RGL1: variants seen among roughly 807,000 people sequenced by gnomAD.
RGL1 encodes ral guanine nucleotide dissociation stimulator like 1.
Under a neutral mutation model 95.2 loss-of-function variants are expected in RGL1, and 24 were observed. That is an observed-to-expected ratio of 0.25 (90% CI 0.18 to 0.35). The LOEUF is 0.35. RGL1 is among the 10% of genes least tolerant of loss of function. The pLI, the probability that RGL1 is intolerant of heterozygous loss-of-function variation, is 1.00. For missense variants in RGL1, 715 were observed against 936.3 expected, an observed-to-expected ratio of 0.76 and a Z score of 3.08; for synonymous variants, 329 against 344.9, an observed-to-expected ratio of 0.95 and a Z score of 0.51.
At chr1:183,696,862 C>CTTT (rs1396340273) in intron 1 of RGL1, among the ~76,000 whole-genome samples, 3 of 152,094 alleles carry the variant, frequency 2.0e-5, no homozygotes, top group African/African-American at 7.2e-5. Flanking sequence ...AGAATCTGAC[C>CTTT]AATTCTTGCC....
At chr1:183,893,456 C>T (rs1404654550) in intron 9 of RGL1, among the ~76,000 whole-genome samples, 2 of 151,988 alleles carry the variant, frequency 1.3e-5, no homozygotes, top group Non-Finnish European at 2.9e-5. Context: ...TCATGTAAAA[C>T]CAAAGTATGC....
At chr1:183,906,969 A>G (rs959555919) in intron 13 of RGL1, 43 bp from the exon 14 acceptor site, 20 of 1,120,852 alleles carry the variant, frequency 1.8e-5, no homozygotes, top group Middle Eastern at 1.9e-4. Flanking sequence ...GTGTTTTTCA[A>G]TTCTCTAACT....
At chr1:183,694,421 T>C (rs1654139521) in intron 1 of RGL1, among the ~76,000 whole-genome samples, 2 of 152,240 alleles carry the variant, frequency 1.3e-5, no homozygotes, top group South Asian at 4.1e-4. Flanking sequence ...TGATGACCAT[T>C]TTTTCTTTCA....
At chr1:183,818,484 C>G (rs1662233285) in intron 2 of RGL1, among the ~76,000 whole-genome samples, 1 of 152,192 alleles carries the variant, frequency 6.6e-6, no homozygotes, top group South Asian at 2.1e-4. Context: ...CAAATGTTAT[C>G]TTTACTCTTC....
chr1:183,685,186 C>T (rs929245400), intron 1 of RGL1, among the ~76,000 whole-genome samples: 7 of 151,932 alleles, frequency 4.6e-5, no homozygotes, highest in Non-Finnish European at 8.8e-5. Flanking sequence ...AATGCTTAAA[C>T]GTTCTTTAAC....
At chr1:183,921,825 G>A (rs1167900447) in intron 16 of RGL1, among the ~76,000 whole-genome samples, 2 of 152,204 alleles carry the variant, frequency 1.3e-5, no homozygotes, top group Non-Finnish European at 2.9e-5. Flanking sequence ...TATCCCGTGG[G>A]TTGTAACCAG....
chr1:183,754,704 G>A (rs1440550971), intron 2 of RGL1: 1 of 152,264 alleles, frequency 6.6e-6, no homozygotes, highest in Non-Finnish European at 1.5e-5. Flanking sequence ...CCATACAGAT[G>A]TGAGGGATGT....
At chr1:183,702,979 A>G (rs576684563) in intron 1 of RGL1, among the ~76,000 whole-genome samples, 14 of 152,204 alleles carry the variant, frequency 9.2e-5, no homozygotes, top group Non-Finnish European at 1.6e-4. Context: ...GCTATGCAGT[A>G]CCTGGACAGC....
At position 183,724,964 on chromosome 1, in the gene RGL1, A is replaced by AACACAC. The variant is rs34336567; in HGVS notation, c.-32-17149_-32-17144dup. On this transcript the variant is annotated intron_variant, in intron 1 of 18. Coordinates refer to the RGL1 transcript ENST00000304685. This position sits in a 1 kb window ranked among gnomAD's most constrained non-coding sequence, Gnocchi z 4.1. Reference sequence around the variant, plus strand: ...TCTCTCCCCCAGCTCTAGGCACCACAACACACACACACACACACGGAGGGA... The same window carrying AACACAC: ...TCTCTCCCCCAGCTCTAGGCACCACAACACACACACACACACACACACACGGAGGGA... Among the ~76,000 whole-genome samples, 3,400 of 149,758 alleles carry AACACAC rather than the reference A, an allele frequency of 0.023. 50 individuals carry two copies. The highest frequency in any genetic ancestry group is 0.055 in the Middle Eastern group (16 of 292).
chr1:183,753,458 A>T (rs1658146957), intron 2 of RGL1, among the ~76,000 whole-genome samples: 1 of 152,218 alleles, frequency 6.6e-6, no homozygotes, highest in Non-Finnish European at 1.5e-5. Context: ...TTGAAAGAAG[A>T]CATGAGACTC....
chr1:183,787,704 CAG>C (rs1277396267), intron 2 of RGL1, among the ~76,000 whole-genome samples: 5 of 152,128 alleles, frequency 3.3e-5, no homozygotes, highest in African/African-American at 7.2e-5. Context: ...TGAGGCTTAA[CAG>C]GGGGTGTTTG....
intron 1 of RGL1, among the ~76,000 whole-genome samples, chr1:183,636,698 G>A (rs1183240351): frequency 6.6e-6 from 1 of 152,110 alleles, no homozygotes; most frequent in African/African-American, 2.4e-5. Context: ...AATGTGGAAG[G>A]ATTGGTGGAA....
In RGL1 at chr1:183,928,164, A is replaced by T. The variant is rs977049212; in HGVS notation, c.*1872A>T. 3 of 71,516 alleles carry T rather than the reference A, an allele frequency of 4.2e-5. No individual in the cohort carries two copies. Among genetic ancestry groups the T allele is most frequent in the Non-Finnish European group, 1.0e-4 (3 of 29,872 alleles). 4.4% of individuals were successfully genotyped at this position (71,516 alleles called of 1,614,324 possible). A position where few individuals can be genotyped will look rare whatever the true frequency, so the allele number is the denominator to read the frequency against. On this transcript the variant is annotated 3_prime_UTR_variant, in exon 18 of 18. Coordinates refer to ENST00000360851, the MANE Select transcript of RGL1 (RefSeq NM_001297671.3). ...AGCCTGATATTCTTGGTGCGAAGGT[A>T]AAAAAAAAAAAATAAATAAAACCAT...
In RGL1 at chr1:183,884,633, A is replaced by G. The variant is rs1667010292; in HGVS notation, c.736-90A>G. The G allele has an allele frequency of 3.6e-6, 4 of 1,122,326 alleles. 1 individual carries two copies. In the East Asian group the frequency reaches 7.2e-5, roughly 20 times the overall value. 69.5% of individuals were successfully genotyped at this position (1,122,326 alleles called of 1,614,324 possible). On this transcript the variant is annotated intron_variant, in intron 6 of 17. Coordinates refer to ENST00000360851, the MANE Select transcript of RGL1 (RefSeq NM_001297671.3). ...GAAAAGGATTATCTGGCCATTCACA[A>G]AAATACCAATTTACAAATGACCCAG...
chr1:183,752,360 G>A (rs1024397367), intron 2 of RGL1, among the ~76,000 whole-genome samples: 3 of 151,962 alleles, frequency 2.0e-5, no homozygotes, highest in African/African-American at 4.8e-5. Context: ...CTGAGTAGCT[G>A]GGACTACAGG....
At chr1:183,920,637 T>C (rs1669261433) in intron 16 of RGL1, among the ~76,000 whole-genome samples, 1 of 152,248 alleles carries the variant, frequency 6.6e-6, no homozygotes, top group Non-Finnish European at 1.5e-5. Context: ...ATGCATCCCC[T>C]GAAGGGAGGT....
rs980933751 is a variant in RGL1 at position 183,896,207 on chromosome 1, C to T, written c.1141-1601C>T. ...TCACAACTATCTAGCACAGGAAAGG[C>T]GCATATTAGGCTGCTTTCTTTTTTT... On this transcript the variant is annotated intron_variant, in intron 9 of 17. Transcript: ENST00000360851. 3.9e-5 allele frequency among the ~76,000 whole-genome samples: 6 copies of T among 152,276 alleles called. No individual in the cohort carries two copies. In the East Asian group the frequency reaches 1.2e-3, roughly 29 times the overall value.
intron 1 of RGL1, among the ~76,000 whole-genome samples, chr1:183,728,074 C>T (rs1656413686): frequency 1.3e-5 from 2 of 152,166 alleles, no homozygotes. Context: ...GAACAAAAAG[C>T]AGGGAAAGGG....
At chr1:183,714,340 C>G (rs1558168116) in intron 1 of RGL1, among the ~76,000 whole-genome samples, 1 of 152,160 alleles carries the variant, frequency 6.6e-6, no homozygotes, top group Non-Finnish European at 1.5e-5. Flanking sequence ...GGTGGTCTAT[C>G]TTGTCCCTTT....
Sources: allele counts gnomAD v4.1 joint callset (sites outside exome capture counted in the v4.1 genomes callset), GRCh38; gene constraint gnomAD v4.1.1; non-coding constraint Gnocchi (gnomAD v3.1); transcripts MANE v1.5; gene names NCBI Gene and HGNC (gene_info 2026-07-23, HGNC 2026-07-21).